B9D1: variants seen among roughly 807,000 people sequenced by gnomAD.
B9D1 encodes the protein B9 domain containing 1.
A neutral mutation model predicts 26.1 loss-of-function variants in B9D1; 20 were observed. The observed-to-expected ratio is 0.77, with a 90% CI of 0.54 to 1.12. The LOEUF is 1.12. Among genes scored for constraint, B9D1 ranks in the 50% most tolerant of loss-of-function variants. The probability of loss-of-function intolerance (pLI) is 0.00; values close to 1 mark genes in which losing one functional copy is unlikely to be tolerated. For synonymous variants in B9D1, 105 were observed against 103.1 expected (o/e 1.02, Z -0.11); for missense variants, 260 against 273.7 (o/e 0.95, Z 0.35).
upstream of B9D1, chr17:19,362,773 G>A (rs1048670095): frequency 3.5e-6 from 5 of 1,444,152 alleles, no homozygotes; most frequent in Admixed American, 2.0e-5. Context: ...CACAAGGGGC[G>A]GGGATCCACG....
rs147706558 is a variant in B9D1 at position 19,349,800 on chromosome 17, C to T, written c.245-1920G>A. Among the ~76,000 whole-genome samples the T allele has an allele frequency of 3.5e-3, 526 of 152,296 alleles. 3 individuals are homozygous for T. Among genetic ancestry groups the T allele is most frequent in the Middle Eastern group, 0.01 (3 of 294 alleles). On this transcript the variant is annotated intron_variant, in intron 3 of 6. Transcript: ENST00000261499. Reference sequence around the variant, plus strand: ...CCCTTAATTTTAATATAGTCAACTTCATTGATCTTCTCCTTCATGGAGTCC... The same window carrying T: ...CCCTTAATTTTAATATAGTCAACTTTATTGATCTTCTCCTTCATGGAGTCC...
At chr17:19,366,310 G>T (rs1354130009), upstream of B9D1, among the ~76,000 whole-genome samples, 1 of 152,002 alleles carries the variant, frequency 6.6e-6, no homozygotes, top group Non-Finnish European at 1.5e-5. Flanking sequence ...TACAGACTTG[G>T]CGCTGGGGTC....
At chr17:19,369,605 G>C (rs1473235189) in intron 1 of B9D1, among the ~76,000 whole-genome samples, 1 of 152,068 alleles carries the variant, frequency 6.6e-6, no homozygotes, top group Non-Finnish European at 1.5e-5. Context: ...CTCTGTGTGG[G>C]TGTGGGGGGA....
chr17:19,351,509 G>A (rs1377901811), intron 3 of B9D1, among the ~76,000 whole-genome samples: 1 of 152,126 alleles, frequency 6.6e-6, no homozygotes, highest in African/African-American at 2.4e-5. Context: ...TAAAAAAGCT[G>A]GGGAATGTTT....
chr17:19,335,428 C>T (rs1173172172), downstream of B9D1: 2 of 1,550,088 alleles, frequency 1.3e-6, no homozygotes, highest in South Asian at 1.2e-5. Flanking sequence ...AACAGGACTT[C>T]TGTTTACAAT....
downstream of B9D1, among the ~76,000 whole-genome samples, chr17:19,340,175 G>A (rs1011725362): frequency 1.3e-5 from 2 of 152,064 alleles, no homozygotes; most frequent in Non-Finnish European, 2.9e-5. Flanking sequence ...GGGCTGGGTT[G>A]TGCATTCTTT....
At chr17:19,350,635 C>T (rs1391862781) in intron 3 of B9D1, among the ~76,000 whole-genome samples, 4 of 152,060 alleles carry the variant, frequency 2.6e-5, no homozygotes, top group Admixed American at 1.3e-4. Flanking sequence ...GCACCAGAAT[C>T]GCTTGAATCC....
In B9D1 at chr17:19,362,676, T is replaced by C. The variant is rs775156834; in HGVS notation, c.-107A>G. On this transcript the variant is annotated 5_prime_UTR_variant, in exon 1 of 7. Coordinates refer to ENST00000261499, the MANE Select transcript of B9D1 (RefSeq NM_015681.6). ...GGCGTAGCGCGCAGGACACGTTTCT[T>C]GGCAGCGACACCTTCGCGAAGGCCA... The C allele has an allele frequency of 2.2e-5, 33 of 1,509,394 alleles. No individual in the cohort carries two copies. Among genetic ancestry groups the C allele is most frequent in the East Asian group, 2.1e-4 (8 of 38,418 alleles). The allele number at this position is 1,509,394 out of a possible 1,614,324, so 93.5% of individuals were successfully genotyped here. A position where few individuals can be genotyped will look rare whatever the true frequency, so the allele number is the denominator to read the frequency against.
upstream of B9D1, among the ~76,000 whole-genome samples, chr17:19,365,559 C>T (rs1911544334): frequency 6.6e-6 from 1 of 152,238 alleles, no homozygotes; most frequent in Admixed American, 6.5e-5. This position sits in a 1 kb window ranked among gnomAD's most constrained non-coding sequence, Gnocchi z 5.0. Context: ...CTCAGCCAGC[C>T]TGGACCCTGC....
downstream of B9D1, among the ~76,000 whole-genome samples, chr17:19,337,303 C>T (rs1346640787): frequency 2.0e-5 from 3 of 152,174 alleles, no homozygotes; most frequent in South Asian, 2.1e-4. Context: ...AGGGCAGCGG[C>T]GGGAGGACAC....
intron 3 of B9D1, among the ~76,000 whole-genome samples, chr17:19,348,442 C>G (rs1909154366): frequency 6.6e-6 from 1 of 152,190 alleles, no homozygotes; most frequent in African/African-American, 2.4e-5. Context: ...TCGCCAGTTT[C>G]AGGTGAGGCC....
At position 19,375,461 on chromosome 17, in the gene B9D1, T is replaced by A. The variant is rs551996621; in HGVS notation, c.-298+2398A>T. 1.7e-4 allele frequency among the ~76,000 whole-genome samples: 25 copies of A among 151,494 alleles called. 1 individual carries two copies. In the South Asian group the frequency reaches 4.2e-3, roughly 25 times the overall value. On this transcript the variant is annotated intron_variant, in intron 1 of 5. Transcript: ENST00000477478. ...CACTAGGATGGCTATAATTAAAAAATAATAATAATAATAAGGCTGGGTACT... is the reference window on the plus strand; with the variant it reads ...CACTAGGATGGCTATAATTAAAAAAAAATAATAATAATAAGGCTGGGTACT...
intron 3 of B9D1, among the ~76,000 whole-genome samples, chr17:19,355,696 C>T (rs1218291196): frequency 4.0e-5 from 6 of 149,680 alleles, no homozygotes; most frequent in African/African-American, 1.2e-4. Flanking sequence ...TAGCCGGGCA[C>T]GGTGGTGGGT....
At position 19,377,792 on chromosome 17, in the gene B9D1, C is replaced by T. The variant is rs1267568712; in HGVS notation, c.-298+67G>A. ...AGGAGCAGAGGTTGGGCGGCCGCCT[C>T]GGTTAACTCCGCTGCAGCCCAAAGC... is the stretch of plus-strand genomic sequence containing the variant. On this transcript the variant is annotated intron_variant, in intron 1 of 5. Transcript: ENST00000477478. 5.1e-6 allele frequency: 5 copies of T among 978,706 alleles called. No individual in the cohort carries two copies. The South Asian group carries it at 1.9e-4, about 37-fold the overall frequency. The allele number at this position is 978,706 out of a possible 1,614,324, so 60.6% of individuals were successfully genotyped here.
intron 5 of B9D1, among the ~76,000 whole-genome samples, chr17:19,345,882 A>G (rs1455771729): frequency 1.3e-5 from 2 of 152,220 alleles, no homozygotes; most frequent in African/African-American, 2.4e-5. Context: ...GAGCCTCCAT[A>G]TCTGGGAAGA....
Position 19,347,872 on chromosome 17 carries a change from T to G in B9D1, c.253A>C (p.Ile85Leu). 6.2e-7 allele frequency: 1 copy of G among 1,613,978 alleles called. No individual in the cohort carries two copies. The highest frequency in any genetic ancestry group is 8.5e-7 in the Non-Finnish European group (1 of 1,179,990). Residue 85 changes from isoleucine to leucine, a missense_variant, in exon 4 of 7, where the codon ATC becomes CTC. Ile to Leu is a conservative substitution (Grantham distance 5). Transcript: ENST00000261499. This position sits in a 1 kb window ranked among gnomAD's most constrained non-coding sequence, Gnocchi z 4.3. The stretch of plus-strand genomic sequence containing the variant: ...TCTGGTCCATACACGCTGAGCACGA[T>G]CTGTGGCCCTTGGGAAGGACAAGGC... ...KSTNPYGWPQ[I>L]VLSVYGPDVF...
intron 1 of B9D1, among the ~76,000 whole-genome samples, chr17:19,377,266 A>G (rs897064260): frequency 2.0e-5 from 3 of 152,186 alleles, no homozygotes; most frequent in Admixed American, 1.3e-4. Flanking sequence ...GGCGATGAAA[A>G]TGTTCCATAA....
intron 1 of B9D1, chr17:19,377,767 A>T: frequency 1.1e-6 from 1 of 915,304 alleles, no homozygotes; most frequent in African/African-American, 1.8e-5. Flanking sequence ...GGCTCCGCAG[A>T]GGAGCAGAGG....
chr17:19,356,896 T>C (rs1910427915), intron 3 of B9D1, among the ~76,000 whole-genome samples: 1 of 152,220 alleles, frequency 6.6e-6, no homozygotes, highest in Non-Finnish European at 1.5e-5. Flanking sequence ...ACAGTACCTA[T>C]TGCACTGTTC....
Sources: allele counts gnomAD v4.1 joint callset (sites outside exome capture counted in the v4.1 genomes callset), GRCh38; gene constraint gnomAD v4.1.1; non-coding constraint Gnocchi (gnomAD v3.1); transcripts MANE v1.5; gene names NCBI Gene and HGNC (gene_info 2026-07-23, HGNC 2026-07-21).